Variants in ST6GAL1 observed in about 807,000 individuals in gnomAD.
ST6GAL1 encodes the protein beta-galactoside alpha-2,6-sialyltransferase 1.
In ST6GAL1, 20 loss-of-function variants were observed where a neutral mutation model predicts 38.0. That is an observed-to-expected ratio of 0.53 (90% CI 0.37 to 0.77). The LOEUF is 0.77. Ranked by LOEUF, ST6GAL1 falls within the 30% of genes least tolerant of loss-of-function variation. The pLI, the probability that ST6GAL1 is intolerant of heterozygous loss-of-function variation, is 0.00. For missense variants in ST6GAL1, 432 were observed against 496.4 expected, an observed-to-expected ratio of 0.87 and a Z score of 1.23; for synonymous variants, 196 against 188.2, an observed-to-expected ratio of 1.04 and a Z score of -0.34.
chr3:187,023,617 C>T lies in ST6GAL1; in HGVS notation c.-182-15125C>T, dbSNP rs568730105. On this transcript the variant is annotated intron_variant, in intron 2 of 7. Transcript: ENST00000169298. ...GGATGAAGCTGGAAACTATCATTCT[C>T]AGCAAACTATGGCAAGGACAAAAAG... is the stretch of plus-strand genomic sequence containing the variant. 7.3e-4 allele frequency among the ~76,000 whole-genome samples: 111 copies of T among 152,226 alleles called. 3 individuals are homozygous for T. In the South Asian group the frequency reaches 0.022, roughly 30 times the overall value.
At chr3:187,001,200 C>T (rs1399483594) in intron 2 of ST6GAL1, among the ~76,000 whole-genome samples, 6 of 152,212 alleles carry the variant, frequency 3.9e-5, no homozygotes, top group African/African-American at 9.6e-5. Context: ...GAACCCTGGA[C>T]ATTCTGAAAT....
chr3:187,038,585 C>G (rs1212769368), intron 2 of ST6GAL1, 157 bp from the exon 3 acceptor site: 1 of 152,236 alleles, frequency 6.6e-6, no homozygotes, highest in Non-Finnish European at 1.5e-5. Flanking sequence ...ATAGGCTTTT[C>G]TCTCTCTCTT....
At chr3:186,996,889 A>T (rs1210961545) in intron 2 of ST6GAL1, among the ~76,000 whole-genome samples, 1 of 151,540 alleles carries the variant, frequency 6.6e-6, no homozygotes, top group African/African-American at 2.4e-5. Context: ...CTACACTGGT[A>T]TCCTGCACTT....
intron 1 of ST6GAL1, among the ~76,000 whole-genome samples, chr3:186,944,184 C>T (rs1349075979): frequency 6.6e-6 from 1 of 152,190 alleles, no homozygotes; most frequent in African/African-American, 2.4e-5. Flanking sequence ...AGATTCATCT[C>T]GTTTCTCAAA....
chr3:187,026,187 G>T (rs535750228), intron 2 of ST6GAL1, among the ~76,000 whole-genome samples: 1 of 152,164 alleles, frequency 6.6e-6, no homozygotes, highest in Non-Finnish European at 1.5e-5. Context: ...CCTTTGCTGC[G>T]CTTTTGAGCA....
intron 5 of ST6GAL1, among the ~76,000 whole-genome samples, chr3:187,062,973 TG>T (rs1169961661): frequency 6.6e-6 from 1 of 152,176 alleles, no homozygotes; most frequent in Non-Finnish European, 1.5e-5. Flanking sequence ...AATGTGGAAT[TG>T]TTGTTTAATG....
At chr3:186,933,545 G>A (rs1713836598) in intron 1 of ST6GAL1, among the ~76,000 whole-genome samples, 1 of 152,182 alleles carries the variant, frequency 6.6e-6, no homozygotes, top group Non-Finnish European at 1.5e-5. Context: ...GGACCAAGAA[G>A]AAAAATCCTA....
intron 2 of ST6GAL1, among the ~76,000 whole-genome samples, chr3:187,012,845 T>G (rs1717001473): frequency 1.3e-5 from 2 of 152,224 alleles, no homozygotes; most frequent in African/African-American, 4.8e-5. Context: ...TTGGCCTGTT[T>G]TCCAAATGGA....
chr3:187,023,680 A>T (rs775946958), intron 2 of ST6GAL1, among the ~76,000 whole-genome samples: 1 of 152,170 alleles, frequency 6.6e-6, no homozygotes, highest in African/African-American at 2.4e-5. Context: ...GTGGGAATTG[A>T]ACAGTGAGAA....
At chr3:187,074,088 AAG>A in intron 6 of ST6GAL1, 69 bp from the exon 7 acceptor site, 1 of 1,386,810 alleles carries the variant, frequency 7.2e-7, no homozygotes, top group Non-Finnish European at 9.7e-7. Flanking sequence ...TCCACTGATG[AAG>A]ATGACTCCTG....
At chr3:186,932,146 G>T (rs1474303091) in intron 1 of ST6GAL1, among the ~76,000 whole-genome samples, 1 of 152,220 alleles carries the variant, frequency 6.6e-6, no homozygotes. Context: ...TGTCCCCGGG[G>T]GGGGAACTGG....
At position 186,950,873 on chromosome 3, in the gene ST6GAL1, C is replaced by T. The variant is rs886159543; in HGVS notation, c.-324-12912C>T. Among the ~76,000 whole-genome samples, 3 of 152,170 alleles carry T rather than the reference C, an allele frequency of 2.0e-5. No individual in the cohort carries two copies. The East Asian group carries it at 5.8e-4, about 29-fold the overall frequency. ...TTTGCTGCATGCATGTTGTGTGTCA[C>T]CTAGGTGGTGATAAAAACAAACGTA... On this transcript the variant is annotated intron_variant, in intron 1 of 7. Coordinates refer to ENST00000169298, the MANE Select transcript of ST6GAL1 (RefSeq NM_173216.2).
At chr3:186,948,758 C>T (rs9290841) in intron 1 of ST6GAL1, 136,784 of 152,454 alleles carry the variant, frequency 0.9, 61,445 homozygotes, top group Middle Eastern at 0.96. Context: ...AGAAGACCTC[C>T]GATCTCTTGT....
At chr3:186,999,338 C>A (rs1322295645) in intron 2 of ST6GAL1, among the ~76,000 whole-genome samples, 1 of 152,104 alleles carries the variant, frequency 6.6e-6, no homozygotes, top group Non-Finnish European at 1.5e-5. Flanking sequence ...TGTTTCTGTC[C>A]CCTATGCTAA....
intron 2 of ST6GAL1, among the ~76,000 whole-genome samples, chr3:186,991,485 G>T (rs4012250): frequency 0.29 from 43,601 of 151,962 alleles, 7,524 homozygotes; most frequent in East Asian, 0.56. Flanking sequence ...GATACTAAAT[G>T]ACCTCTTATT....
At chr3:186,989,998 GT>G (rs1716101943) in intron 2 of ST6GAL1, among the ~76,000 whole-genome samples, 1 of 152,198 alleles carries the variant, frequency 6.6e-6, no homozygotes, top group Non-Finnish European at 1.5e-5. Context: ...AGATGAGTTG[GT>G]TTGAATCCTA....
intron 2 of ST6GAL1, among the ~76,000 whole-genome samples, chr3:186,993,218 C>G (rs1452209709): frequency 2.6e-5 from 4 of 152,246 alleles, no homozygotes; most frequent in African/African-American, 9.6e-5. Context: ...CGAGGGCACA[C>G]TGCTGGTGGG....
chr3:187,077,084 C>T lies in ST6GAL1; in HGVS notation c.*1281C>T. The stretch of plus-strand genomic sequence containing the variant: ...TCTCAGGGTGTAGTGGTGTGGCTCT[C>T]TGGACTTAACGTCACTCTCAGAGGT... On this transcript the variant is annotated 3_prime_UTR_variant, in exon 8 of 8. Coordinates refer to ENST00000169298, the MANE Select transcript of ST6GAL1 (RefSeq NM_173216.2). 1.0e-5 allele frequency: 4 copies of T among 398,204 alleles called. No individual in the cohort carries two copies. The highest frequency in any genetic ancestry group is 1.8e-5 in the Non-Finnish European group (4 of 225,926). The allele number at this position is 398,204 out of a possible 1,614,324, so 24.7% of individuals were successfully genotyped here.
intron 2 of ST6GAL1, among the ~76,000 whole-genome samples, chr3:186,976,456 G>A (rs1028637660): frequency 6.6e-5 from 10 of 151,622 alleles, no homozygotes; most frequent in South Asian, 2.1e-4. Flanking sequence ...TTGAGATAGC[G>A]TCTTGCTCTG....
Sources: gnomAD v4.1 joint callset for allele counts (sites outside exome capture counted in the v4.1 genomes callset) on GRCh38, gnomAD v4.1.1 for gene constraint, MANE v1.5 for transcripts, NCBI Gene and HGNC (gene_info 2026-07-23, HGNC 2026-07-21) for gene names.